The following DOCK1 variants were observed in gnomAD, a reference collection of about 807,000 sequenced individuals.
DOCK1 encodes dedicator of cytokinesis protein 1.
A neutral mutation model predicts 262.7 loss-of-function variants in DOCK1; 138 were observed. That is an observed-to-expected ratio of 0.53 (90% CI 0.46 to 0.61). DOCK1 has a LOEUF of 0.61. Among genes scored for constraint, DOCK1 ranks in the 20% least tolerant of loss-of-function variants. The pLI is 0.00. For synonymous variants in DOCK1, 866 were observed against 867.4 expected, an observed-to-expected ratio of 1.00 and a Z score of 0.03; for missense variants, 1,908 against 2,370.7, an observed-to-expected ratio of 0.80 and a Z score of 4.05.
At chr10:127,217,871 C>T (rs768615666) in intron 27 of DOCK1, among the ~76,000 whole-genome samples, 26 of 152,054 alleles carry the variant, frequency 1.7e-4, no homozygotes, top group African/African-American at 5.6e-4. Context: ...TTTCATATCA[C>T]GGAAGTTAAA....
intron 29 of DOCK1, among the ~76,000 whole-genome samples, chr10:127,275,657 A>G (rs2060714545): frequency 1.3e-5 from 2 of 152,074 alleles, no homozygotes; most frequent in Admixed American, 6.5e-5. Flanking sequence ...GTTCTAGATG[A>G]AAGGGATGGT....
chr10:127,000,368 A>G (rs1015365725), intron 10 of DOCK1, 61 bp downstream of exon 10: 3 of 1,583,268 alleles, frequency 1.9e-6, no homozygotes, highest in Non-Finnish European at 2.6e-6. Context: ...TTTCAAAAGA[A>G]TCACTGTTGA....
intron 38 of DOCK1, among the ~76,000 whole-genome samples, chr10:127,394,228 G>A (rs867824418): frequency 2.9e-4 from 44 of 151,944 alleles, no homozygotes; most frequent in African/African-American, 8.5e-4. Flanking sequence ...TGACAAATGC[G>A]ATACATAATT....
intron 27 of DOCK1, among the ~76,000 whole-genome samples, 184 bp from the exon 28 acceptor site, chr10:127,247,824 G>A (rs1037803000): frequency 5.1e-4 from 77 of 152,126 alleles, no homozygotes; most frequent in African/African-American, 1.5e-3. Flanking sequence ...CATTCCTGAG[G>A]TTGGAAGTGA....
At chr10:127,214,577 A>G (rs1417145251) in intron 27 of DOCK1, among the ~76,000 whole-genome samples, 1 of 152,184 alleles carries the variant, frequency 6.6e-6, no homozygotes, top group Non-Finnish European at 1.5e-5. Flanking sequence ...CAGCAAGCGT[A>G]ACCCCTCTTC....
intron 1 of DOCK1, among the ~76,000 whole-genome samples, chr10:126,931,989 T>C (rs1425580436): frequency 6.6e-6 from 1 of 152,104 alleles, no homozygotes; most frequent in Non-Finnish European, 1.5e-5. Context: ...GTTAGCAAGA[T>C]GGAATAAAAG....
At chr10:127,353,447 C>G (rs2063985726) in intron 31 of DOCK1, among the ~76,000 whole-genome samples, 1 of 152,186 alleles carries the variant, frequency 6.6e-6, no homozygotes, top group Admixed American at 6.5e-5. Flanking sequence ...TCCCACCCAC[C>G]CAAGTCCAGT....
chr10:127,057,640 G>C (rs537555471), intron 22 of DOCK1, among the ~76,000 whole-genome samples: 50 of 152,294 alleles, frequency 3.3e-4, no homozygotes, highest in African/African-American at 1.1e-3. Context: ...TTGTTTGTCT[G>C]TGTTTTCTGT....
intron 29 of DOCK1, among the ~76,000 whole-genome samples, chr10:127,293,375 C>T (rs1050283776): frequency 6.6e-6 from 1 of 152,234 alleles, no homozygotes; most frequent in Non-Finnish European, 1.5e-5. Context: ...CTGAGTGTAG[C>T]TGCCTCTCCT....
At chr10:126,948,794 G>T (rs917621429) in intron 1 of DOCK1, among the ~76,000 whole-genome samples, 1 of 151,996 alleles carries the variant, frequency 6.6e-6, no homozygotes, top group Non-Finnish European at 1.5e-5. Flanking sequence ...CTGATCCTTT[G>T]GGCTGGATTT....
At chr10:127,140,158 C>T (rs2051086829) in intron 27 of DOCK1, among the ~76,000 whole-genome samples, 3 of 152,218 alleles carry the variant, frequency 2.0e-5, no homozygotes, top group African/African-American at 7.2e-5. Context: ...GCTAACAGTA[C>T]AATTTCGGCT....
chr10:127,365,027 G>A (rs1005892644), intron 33 of DOCK1, among the ~76,000 whole-genome samples: 108 of 149,200 alleles, frequency 7.2e-4, no homozygotes, highest in African/African-American at 2.5e-3. Flanking sequence ...ATACAACATT[G>A]TAAATATTAT....
chr10:127,307,442 T>G (rs1811433832), intron 29 of DOCK1, among the ~76,000 whole-genome samples: 1 of 152,218 alleles, frequency 6.6e-6, no homozygotes, highest in African/African-American at 2.4e-5. Flanking sequence ...AAGTCCTCAG[T>G]GGAGTTCTGT....
At chr10:127,114,421 TA>T (rs1172140923) in intron 25 of DOCK1, among the ~76,000 whole-genome samples, 1 of 152,018 alleles carries the variant, frequency 6.6e-6, no homozygotes, top group East Asian at 1.9e-4. Flanking sequence ...GAATTGATCA[TA>T]GGGGAGAAAG....
rs752163121 is a variant in DOCK1, at chr10:127,360,733, T to C, written c.3284-1331T>C. On this transcript the variant is annotated intron_variant, in intron 32 of 51. Coordinates refer to ENST00000623213, the MANE Select transcript of DOCK1 (RefSeq NM_001290223.2). Reference sequence around the variant, plus strand: ...AGAGTCGGGTAGGGTCCGAGTGCCATGCAAAGATCCTGAGACAAGCAAACA... The same window carrying C: ...AGAGTCGGGTAGGGTCCGAGTGCCACGCAAAGATCCTGAGACAAGCAAACA... Among the ~76,000 whole-genome samples, 88 of 152,112 alleles carry C rather than the reference T, an allele frequency of 5.8e-4. 2 individuals are homozygous for C. The highest frequency in any genetic ancestry group is 4.2e-4 in the South Asian group (2 of 4,812).
intron 27 of DOCK1, among the ~76,000 whole-genome samples, chr10:127,197,523 C>T (rs963610008): frequency 1.3e-5 from 2 of 152,270 alleles, no homozygotes; most frequent in Middle Eastern, 3.4e-3. Flanking sequence ...GGATTTGCTC[C>T]TAGAATGTAA....
At chr10:127,401,873 C>A (rs1321487141) in intron 38 of DOCK1, among the ~76,000 whole-genome samples, 1 of 152,180 alleles carries the variant, frequency 6.6e-6, no homozygotes, top group African/African-American at 2.4e-5. Context: ...TTCTTTACTG[C>A]AATGCCTTGA....
chr10:127,393,338 C>A (rs1004122919), intron 38 of DOCK1, among the ~76,000 whole-genome samples: 2 of 152,192 alleles, frequency 1.3e-5, no homozygotes, highest in African/African-American at 4.8e-5. Context: ...TCCAGCCTGT[C>A]TCCTCGTGGC....
chr10:127,156,986 T>C (rs556979783), intron 27 of DOCK1, among the ~76,000 whole-genome samples: 4 of 152,320 alleles, frequency 2.6e-5, no homozygotes, highest in African/African-American at 9.6e-5. Flanking sequence ...ATACTAAGTG[T>C]GAAACATTTT....
Sources: allele counts gnomAD v4.1 joint callset (sites outside exome capture counted in the v4.1 genomes callset), GRCh38; gene constraint gnomAD v4.1.1; transcripts MANE v1.5; gene names NCBI Gene and HGNC (gene_info 2026-07-23, HGNC 2026-07-21).